The following ANGPTL5 variants were observed in gnomAD, a reference collection of about 807,000 sequenced individuals.
ANGPTL5 encodes the protein angiopoietin-related protein 5.
Under a neutral mutation model 39.4 loss-of-function variants are expected in ANGPTL5, and 34 were observed. The observed-to-expected ratio is 0.86, with a 90% CI of 0.66 to 1.15. ANGPTL5 has a LOEUF of 1.15. Ranked by LOEUF, ANGPTL5 falls within the 50% of genes most tolerant of loss-of-function variation. The pLI is 0.00. For missense variants in ANGPTL5, 467 were observed against 457.5 expected, an observed-to-expected ratio of 1.02 and a Z score of -0.19; for synonymous variants, 146 against 152.1, an observed-to-expected ratio of 0.96 and a Z score of 0.29.
chr11:101,911,509 A>T (rs1338577221), intron 1 of ANGPTL5, among the ~76,000 whole-genome samples: 3 of 152,118 alleles, frequency 2.0e-5, no homozygotes, highest in South Asian at 2.1e-4. Context: ...GGGGGCAGAT[A>T]TCCCCACTGA....
At chr11:101,896,514 A>AC (rs962991144) in intron 7 of ANGPTL5, among the ~76,000 whole-genome samples, 5 of 150,864 alleles carry the variant, frequency 3.3e-5, no homozygotes, top group Non-Finnish European at 7.4e-5. Context: ...TCTAGCCCCC[A>AC]CCCCCTGACA....
At chr11:101,915,650 T>A (rs1276027675) in intron 1 of ANGPTL5, among the ~76,000 whole-genome samples, 3 of 152,214 alleles carry the variant, frequency 2.0e-5, no homozygotes, top group Non-Finnish European at 4.4e-5. Context: ...TTCTTCAACT[T>A]TGTAAAATTT....
intron 8 of ANGPTL5, among the ~76,000 whole-genome samples, chr11:101,893,500 A>C (rs908128186): frequency 1.2e-4 from 19 of 152,192 alleles, no homozygotes; most frequent in African/African-American, 4.6e-4. Flanking sequence ...TCAACAGTTG[A>C]AAGTTACTTC....
intron 8 of ANGPTL5, 85 bp from the exon 9 acceptor site, chr11:101,891,683 C>T (rs1939699808): frequency 7.8e-7 from 1 of 1,289,402 alleles, no homozygotes; most frequent in South Asian, 1.3e-5. Flanking sequence ...GGCAAGAGCA[C>T]CACATCTGGA....
intron 6 of ANGPTL5, 52 bp downstream of exon 6, chr11:101,902,569 G>T (rs2137058384): frequency 8.0e-7 from 1 of 1,244,660 alleles, no homozygotes; most frequent in Non-Finnish European, 1.2e-6. Flanking sequence ...AAATTGGTTG[G>T]ATGTTTATCT....
chr11:101,908,686 AG>A (rs528305520), intron 1 of ANGPTL5, among the ~76,000 whole-genome samples: 22 of 151,022 alleles, frequency 1.5e-4, no homozygotes, highest in Middle Eastern at 3.4e-3. Flanking sequence ...AGGCTGAGGC[AG>A]GGAGAATCGC....
In ANGPTL5 at chr11:101,891,375, TC is replaced by T; in HGVS notation, c.1070del (p.Gly357GlufsTer21). 1.2e-6 allele frequency: 2 copies of T among 1,614,082 alleles called. No homozygotes were observed. The highest frequency in any genetic ancestry group is 1.7e-6 in the Non-Finnish European group (2 of 1,179,978). ...HHFSGKLLAT[G>X]IQWGTWTKNN... is the part of the protein sequence containing the mutation. Reference sequence around the variant, plus strand: ...TTTTGGTCCACGTGCCCCATTGAATTCCAGTTGCAAGCAATTTTCCAGAGAA... The same window carrying T: ...TTTTGGTCCACGTGCCCCATTGAATTCAGTTGCAAGCAATTTTCCAGAGAA... On this transcript the variant is annotated frameshift_variant, in exon 9 of 9. Transcript: ENST00000334289. LOFTEE classifies it high-confidence loss of function.
chr11:101,895,019 T>G lies in ANGPTL5; in HGVS notation c.707A>C (p.Gln236Pro). ...ATACAGCATAAAACTGGTATTTTTCTGATTTACTATATAAAAAATCTTTTT... is the reference window on the plus strand; with the variant it reads ...ATACAGCATAAAACTGGTATTTTTCGGATTTACTATATAAAAAATCTTTTT... ...GLKKIFYIVN[Q>P]KNTSFMLYVA... The change falls in exon 8 of 9, where the codon CAG becomes CCG. Residue 236 changes from glutamine (Q) to proline (P), a missense_variant. Coordinates refer to ENST00000334289, the MANE Select transcript of ANGPTL5 (RefSeq NM_178127.5). The G allele has an allele frequency of 6.2e-7, 1 of 1,606,852 alleles. No individual in the cohort carries two copies.
Position 101,905,763 on chromosome 11 carries a change from A to G in ANGPTL5, c.326T>C (p.Leu109Ser). ...RNMMDEQQAS[L>S]DYLSNQVNEL... is the part of the protein sequence containing the mutation. ...CTATACCTGATTAGATAAATAATCC[A>G]AGGAAGCTTGTTGCTCATCCATCAT... The change falls in exon 4 of 9, where the codon TTG becomes TCG. Residue 109 changes from leucine (L) to serine (S), a missense_variant. Leu to Ser is a moderately radical substitution (Grantham distance 145). Transcript: ENST00000334289. 1 of 1,606,322 alleles carries G rather than the reference A, an allele frequency of 6.2e-7. No individual in the cohort carries two copies. Among genetic ancestry groups the G allele is most frequent in the South Asian group, 1.1e-5 (1 of 90,926 alleles).
At chr11:101,900,041 G>A (rs932207402) in intron 7 of ANGPTL5, among the ~76,000 whole-genome samples, 18 of 152,238 alleles carry the variant, frequency 1.2e-4, no homozygotes, top group African/African-American at 3.6e-4. Flanking sequence ...ACCTCAATTC[G>A]CCATTTCATT....
In ANGPTL5 at chr11:101,902,671, G is replaced by A. The variant is rs1939925682; in HGVS notation, c.490C>T (p.Pro164Ser). The change falls in exon 6 of 9, where the codon CCG becomes TCG. Residue 164 changes from proline (P) to serine (S), a missense_variant. Coordinates refer to ENST00000334289, the MANE Select transcript of ANGPTL5 (RefSeq NM_178127.5). ...KDTIGSVTKT[P>S]SGLYIIHPEG... Reference sequence around the variant, plus strand: ...GGGTGAATTATGTATAAACCACTCGGTGTTTTGGTGACAGAGCCAATGGTA... The same window carrying A: ...GGGTGAATTATGTATAAACCACTCGATGTTTTGGTGACAGAGCCAATGGTA... 6.2e-7 allele frequency: 1 copy of A among 1,611,878 alleles called. No homozygotes were observed. Among genetic ancestry groups the A allele is most frequent in the Non-Finnish European group, 8.5e-7 (1 of 1,178,540 alleles).
At chr11:101,906,095 A>G (rs1939993229) in intron 3 of ANGPTL5, among the ~76,000 whole-genome samples, 2 of 152,152 alleles carry the variant, frequency 1.3e-5, no homozygotes, top group African/African-American at 2.4e-5. Context: ...ATTACCCAGA[A>G]TAATTAATCT....
In ANGPTL5 at chr11:101,898,218, C is replaced by T. The variant is rs530992086; in HGVS notation, c.661+2212G>A. Among the ~76,000 whole-genome samples the T allele has an allele frequency of 3.6e-4, 54 of 151,780 alleles. 1 individual carries two copies. The highest frequency in any genetic ancestry group is 1.2e-3 in the African/African-American group (49 of 41,416). On this transcript the variant is annotated intron_variant, in intron 7 of 8. Transcript: ENST00000334289. ...AGCCTGGGCAACACGAGTGAAACTT[C>T]GTCTCAAAAAAAAAAATTACTTTGG...
At chr11:101,913,801 C>T (rs1940134915) in intron 1 of ANGPTL5, among the ~76,000 whole-genome samples, 1 of 152,188 alleles carries the variant, frequency 6.6e-6, no homozygotes, top group African/African-American at 2.4e-5. Context: ...TCAGATCACC[C>T]ATGGGGAGAC....
At chr11:101,913,466 T>C (rs1940127669) in intron 1 of ANGPTL5, among the ~76,000 whole-genome samples, 1 of 152,178 alleles carries the variant, frequency 6.6e-6, no homozygotes, top group East Asian at 1.9e-4. Context: ...CCTGCCTCTT[T>C]AGGCTTCAGT....
At chr11:101,893,189 T>C (rs1565337386) in intron 8 of ANGPTL5, among the ~76,000 whole-genome samples, 1 of 152,242 alleles carries the variant, frequency 6.6e-6, no homozygotes, top group African/African-American at 2.4e-5. Context: ...CCTATTATAA[T>C]ATAGCCATCA....
rs150462299 is a variant in ANGPTL5 at position 101,890,878 on chromosome 11, A to C, written c.*401T>G. 7.5e-5 allele frequency: 12 copies of C among 160,584 alleles called. No individual in the cohort carries two copies. In the East Asian group the frequency reaches 2.1e-3, roughly 28 times the overall value. 9.9% of individuals were successfully genotyped at this position (160,584 alleles called of 1,614,324 possible). On this transcript the variant is annotated 3_prime_UTR_variant, in exon 9 of 9. Coordinates refer to ENST00000334289, the MANE Select transcript of ANGPTL5 (RefSeq NM_178127.5). ...AAAGTTATTTATTGTAACTGTCTTC[A>C]GTAGAAATTATCTGTAGATTATATA... is the stretch of plus-strand genomic sequence containing the variant.
rs552354029 is a variant in ANGPTL5, at chr11:101,904,926, A to G, written c.346-19T>C. 1.3e-6 allele frequency: 2 copies of G among 1,564,482 alleles called. No homozygotes were observed. Among genetic ancestry groups the G allele is most frequent in the African/African-American group, 2.7e-5 (2 of 73,854 alleles). On this transcript the variant is annotated intron_variant, in intron 4 of 8. Coordinates refer to ENST00000334289, the MANE Select transcript of ANGPTL5 (RefSeq NM_178127.5). ...CGTTAACCTAAACACATGCATACAC[A>G]TTTAAGTAAATTTATATTTGAAGAA...
chr11:101,912,018 A>G (rs996675509), intron 1 of ANGPTL5, among the ~76,000 whole-genome samples: 1 of 152,174 alleles, frequency 6.6e-6, no homozygotes, highest in Non-Finnish European at 1.5e-5. Flanking sequence ...TAGAACTGAC[A>G]TTGGTCTCTA....
Sources: gnomAD v4.1 joint callset for allele counts (sites outside exome capture counted in the v4.1 genomes callset) on GRCh38, gnomAD v4.1.1 for gene constraint, MANE v1.5 for transcripts, NCBI Gene and HGNC (gene_info 2026-07-23, HGNC 2026-07-21) for gene names.